Variants in PHF21A observed in about 807,000 individuals in gnomAD.
The protein encoded by PHF21A is PHD finger protein 21A, also known as BHC80a.
PHF21A carries 11 observed loss-of-function variants against 82.5 expected under a neutral mutation model. The ratio of observed to expected loss-of-function variants is 0.13; its 90% CI spans 0.08 to 0.22. The LOEUF is 0.22. PHF21A is among the 10% of genes least tolerant of loss of function. The pLI is 1.00. For synonymous variants in PHF21A, 297 were observed against 302.8 expected (o/e 0.98, Z 0.20); for missense variants, 579 against 837.8 (o/e 0.69, Z 3.81).
At chr11:46,035,244 T>G (rs1484181086) in intron 6 of PHF21A, among the ~76,000 whole-genome samples, 1 of 152,232 alleles carries the variant, frequency 6.6e-6, no homozygotes, top group Non-Finnish European at 1.5e-5. Context: ...CCAATTGTTC[T>G]TATACCATTT....
chr11:45,979,021 CTT>C (rs1165901172), intron 7 of PHF21A, among the ~76,000 whole-genome samples: 7 of 142,934 alleles, frequency 4.9e-5, no homozygotes, highest in Non-Finnish European at 7.7e-5. Context: ...TAGCACTCTT[CTT>C]TTTTTTTTTT....
intron 7 of PHF21A, among the ~76,000 whole-genome samples, chr11:45,975,263 G>A (rs1245718882): frequency 3.3e-5 from 5 of 151,568 alleles, no homozygotes; most frequent in Admixed American, 6.6e-5. Context: ...GAGGTGAACC[G>A]TAATTGCACC....
At position 45,929,633 on chromosome 11, in the gene PHF21A, C is replaced by T. The variant is rs913158104; in HGVS notation, c.*4335G>A. ...ACGGACACCGGAGAGAGGTGAGGGT[C>T]CAAAGGCTGCTGGGGAAGGGGTAGG... On this transcript the variant is annotated 3_prime_UTR_variant, in exon 19 of 19. Coordinates refer to ENST00000676320, the MANE Select transcript of PHF21A (RefSeq NM_001352027.3). 2.0e-5 allele frequency: 3 copies of T among 152,302 alleles called. No individual in the cohort carries two copies. Among genetic ancestry groups the T allele is most frequent in the African/African-American group, 7.2e-5 (3 of 41,476 alleles). The allele number at this position is 152,302 out of a possible 1,614,324, so 9.4% of individuals were successfully genotyped here. A position where few individuals can be genotyped will look rare whatever the true frequency, so the allele number is the denominator to read the frequency against.
intron 18 of PHF21A, chr11:45,934,518 C>T: frequency 2.9e-6 from 1 of 350,832 alleles, no homozygotes; most frequent in Non-Finnish European, 5.1e-6. Context: ...ACCGGCAGAG[C>T]CGCCATCAGA....
At chr11:46,011,883 C>A (rs2095421521) in intron 6 of PHF21A, among the ~76,000 whole-genome samples, 1 of 152,192 alleles carries the variant, frequency 6.6e-6, no homozygotes, top group Admixed American at 6.5e-5. Context: ...GCAAAAACTT[C>A]TTTAGTGTAA....
chr11:45,940,833 G>T (rs1227806419), intron 15 of PHF21A, among the ~76,000 whole-genome samples: 1 of 152,172 alleles, frequency 6.6e-6, no homozygotes. Context: ...GACAAACTGG[G>T]CATCTTATTC....
At chr11:46,015,722 G>A (rs1296319954) in intron 6 of PHF21A, among the ~76,000 whole-genome samples, 3 of 151,960 alleles carry the variant, frequency 2.0e-5, no homozygotes, top group Non-Finnish European at 4.4e-5. Context: ...ATTAGCCTAG[G>A]CCTACACAGG....
intron 14 of PHF21A, among the ~76,000 whole-genome samples, chr11:45,948,367 C>T (rs1395186413): frequency 6.6e-6 from 1 of 152,172 alleles, no homozygotes; most frequent in African/African-American, 2.4e-5. Flanking sequence ...TTGAGAGTGA[C>T]CTTTTCTTCC....
At chr11:45,942,606 G>A (rs1261066858) in intron 15 of PHF21A, among the ~76,000 whole-genome samples, 1 of 152,204 alleles carries the variant, frequency 6.6e-6, no homozygotes, top group Non-Finnish European at 1.5e-5. Context: ...ACAAAATGCT[G>A]AATCTTTAGA....
At chr11:45,939,962 CAGA>C (rs1457215149) in intron 15 of PHF21A, among the ~76,000 whole-genome samples, 1 of 151,942 alleles carries the variant, frequency 6.6e-6, no homozygotes, top group Non-Finnish European at 1.5e-5. Flanking sequence ...GCTATTCTGC[CAGA>C]AGGTCTAATA....
chr11:46,119,384 G>T (rs4281461), intron 1 of PHF21A, among the ~76,000 whole-genome samples: 137,333 of 152,212 alleles, frequency 0.9, 62,119 homozygotes, highest in East Asian at 1. Flanking sequence ...TAGAAATCCA[G>T]ACTCCCAGAG....
At chr11:45,938,730 TTC>T (rs2089707434) in intron 15 of PHF21A, among the ~76,000 whole-genome samples, 5 of 152,262 alleles carry the variant, frequency 3.3e-5, no homozygotes, top group Admixed American at 3.3e-4. Context: ...GAGGTCTATC[TTC>T]TTTTTTCTTT....
intron 6 of PHF21A, among the ~76,000 whole-genome samples, chr11:46,070,519 C>T (rs1231550412): frequency 6.6e-6 from 1 of 152,070 alleles, no homozygotes; most frequent in Non-Finnish European, 1.5e-5. Flanking sequence ...TTAGTAGAGA[C>T]AGGGTTTCGC....
chr11:45,993,110 A>G (rs2094775092), intron 6 of PHF21A, among the ~76,000 whole-genome samples: 1 of 152,242 alleles, frequency 6.6e-6, no homozygotes, highest in African/African-American at 2.4e-5. Flanking sequence ...CTCATTTCTG[A>G]GTACTCTGAT....
At chr11:45,949,585 G>C in intron 12 of PHF21A, 104 bp from the exon 13 acceptor site, 1 of 967,742 alleles carries the variant, frequency 1.0e-6, no homozygotes, top group South Asian at 1.3e-5. Context: ...ATCAGAATCA[G>C]GGACAAGTCT....
intron 6 of PHF21A, among the ~76,000 whole-genome samples, chr11:46,008,971 C>CAT (rs1555085195): frequency 9.0e-6 from 1 of 111,584 alleles, no homozygotes; most frequent in African/African-American, 3.5e-5. Flanking sequence ...TCACATTTCA[C>CAT]TTTTTTTTTT....
In PHF21A at chr11:46,068,937, T is replaced by G. The variant is rs189815183; in HGVS notation, c.153+7817A>C. On this transcript the variant is annotated intron_variant, in intron 6 of 18. Coordinates refer to ENST00000676320, the MANE Select transcript of PHF21A (RefSeq NM_001352027.3). ...TGCCCTATAATAATGTGGCACGTTATTAAAGTATAAGTTACTCAATCAAGC... is the reference window on the plus strand; with the variant it reads ...TGCCCTATAATAATGTGGCACGTTAGTAAAGTATAAGTTACTCAATCAAGC... Among the ~76,000 whole-genome samples, 294 of 152,298 alleles carry G rather than the reference T, an allele frequency of 1.9e-3. 5 individuals carry two copies. Among genetic ancestry groups the G allele is most frequent in the Admixed American group, 0.017 (261 of 15,302 alleles).
chr11:46,029,074 T>C (rs895820685), intron 6 of PHF21A, among the ~76,000 whole-genome samples: 9 of 152,242 alleles, frequency 5.9e-5, no homozygotes, highest in Admixed American at 5.2e-4. Flanking sequence ...AAACAAAATG[T>C]AGCTTGCAAA....
At chr11:46,016,759 T>C (rs2095525261) in intron 6 of PHF21A, among the ~76,000 whole-genome samples, 1 of 152,006 alleles carries the variant, frequency 6.6e-6, no homozygotes, top group African/African-American at 2.4e-5. Context: ...TACCTGGAGC[T>C]TGGCAGCCCT....
Sources: allele counts gnomAD v4.1 joint callset (sites outside exome capture counted in the v4.1 genomes callset), GRCh38; gene constraint gnomAD v4.1.1; transcripts MANE v1.5; gene names NCBI Gene and HGNC (gene_info 2026-07-23, HGNC 2026-07-21).